Variants in PCDH15 observed in about 807,000 individuals in gnomAD.
The protein encoded by PCDH15 is protocadherin-15.
In PCDH15, 129 loss-of-function variants were observed where a neutral mutation model predicts 178.5. The observed-to-expected ratio is 0.72, with a 90% CI of 0.63 to 0.84. The LOEUF (loss-of-function observed/expected upper bound fraction) is 0.84. Ranked by LOEUF, PCDH15 falls within the 40% of genes least tolerant of loss-of-function variation. The pLI is 0.00. For missense variants in PCDH15, 2,230 were observed against 2,099.9 expected (o/e 1.06, Z -1.21); for synonymous variants, 800 against 732.0 (o/e 1.09, Z -1.50).
In PCDH15 at chr10:54,988,123, C is replaced by T. The variant is rs1224978701; in HGVS notation, c.-79-90623G>A. Among the ~76,000 whole-genome samples, 3 of 152,122 alleles carry T rather than the reference C, an allele frequency of 2.0e-5. No individual in the cohort carries two copies. In the East Asian group the frequency reaches 5.8e-4, roughly 29 times the overall value. ...AGCACCATTTACTGAATAGGAAATC[C>T]TTTCACCATTGCTTGCTTTTGTCAG... On this transcript the variant is annotated intron_variant, in intron 2 of 5. Coordinates refer to the PCDH15 transcript ENST00000458638.
chr10:54,964,791 A>T (rs149753480), intron 2 of PCDH15, among the ~76,000 whole-genome samples: 1 of 152,292 alleles, frequency 6.6e-6, no homozygotes, highest in African/African-American at 2.4e-5. Flanking sequence ...AAAGGCAATA[A>T]AGCTTTTAAT....
intron 3 of PCDH15, among the ~76,000 whole-genome samples, chr10:54,525,148 T>C (rs565047438): frequency 5.9e-5 from 9 of 152,252 alleles, no homozygotes; most frequent in Non-Finnish European, 1.2e-4. Flanking sequence ...AACAATTAGC[T>C]ATAATTTAAA....
chr10:54,949,641 C>T (rs908343679), intron 2 of PCDH15, among the ~76,000 whole-genome samples: 1 of 151,952 alleles, frequency 6.6e-6, no homozygotes, highest in African/African-American at 2.4e-5. Context: ...CTTTAAGTTG[C>T]AATTCCAAAC....
chr10:55,424,535 A>G (rs1416798087), intron 2 of PCDH15, among the ~76,000 whole-genome samples: 4 of 152,134 alleles, frequency 2.6e-5, no homozygotes, highest in African/African-American at 9.7e-5. Context: ...AATTGTAGGC[A>G]TCTACCCTGC....
intron 2 of PCDH15, among the ~76,000 whole-genome samples, chr10:54,565,717 C>T (rs1318733784): frequency 9.9e-5 from 15 of 152,106 alleles, no homozygotes; most frequent in Admixed American, 6.6e-4. Context: ...CTTAATTTCT[C>T]GTGTTTTCTT....
chr10:55,123,801 C>G (rs1837831923), intron 2 of PCDH15, among the ~76,000 whole-genome samples: 1 of 152,106 alleles, frequency 6.6e-6, no homozygotes, highest in Non-Finnish European at 1.5e-5. Flanking sequence ...CCCATGGGCT[C>G]CTGCTCTCCA....
chr10:54,012,978 G>C (rs1253361029), intron 20 of PCDH15, among the ~76,000 whole-genome samples: 1 of 151,998 alleles, frequency 6.6e-6, no homozygotes, highest in Non-Finnish European at 1.5e-5. Flanking sequence ...GCTGGATAAA[G>C]AAGCAAGGAC....
chr10:55,351,501 C>G (rs554069149), intron 2 of PCDH15, among the ~76,000 whole-genome samples: 1 of 152,110 alleles, frequency 6.6e-6, no homozygotes, highest in Non-Finnish European at 1.5e-5. Flanking sequence ...AATAAATAAG[C>G]CTTCTCTAGG....
chr10:54,071,204 AAAT>A (rs1241419794), intron 17 of PCDH15, among the ~76,000 whole-genome samples: 8 of 152,182 alleles, frequency 5.3e-5, no homozygotes, highest in Admixed American at 5.2e-4. Flanking sequence ...AGCAATGGAT[AAAT>A]AATACAATTT....
intron 1 of PCDH15, among the ~76,000 whole-genome samples, chr10:54,786,323 C>T (rs1950873034): frequency 6.6e-6 from 1 of 151,982 alleles, no homozygotes; most frequent in African/African-American, 2.4e-5. Context: ...ACACATGATT[C>T]TACTACTTCA....
At chr10:54,222,306 G>A (rs551287880) in intron 9 of PCDH15, among the ~76,000 whole-genome samples, 1 of 152,118 alleles carries the variant, frequency 6.6e-6, no homozygotes, top group African/African-American at 2.4e-5. Flanking sequence ...GATATAGAAT[G>A]GTTTTATGAT....
At chr10:54,684,674 G>A (rs1460588631) in intron 1 of PCDH15, among the ~76,000 whole-genome samples, 4 of 151,886 alleles carry the variant, frequency 2.6e-5, no homozygotes, top group African/African-American at 9.7e-5. Flanking sequence ...ATTTAAGAAG[G>A]GAGGAAATAA....
At chr10:54,539,616 T>C (rs2084976916) in intron 2 of PCDH15, among the ~76,000 whole-genome samples, 2 of 152,280 alleles carry the variant, frequency 1.3e-5, no homozygotes, top group African/African-American at 2.4e-5. Context: ...AATTTGACAC[T>C]TGACAAATTG....
intron 8 of PCDH15, among the ~76,000 whole-genome samples, chr10:54,313,778 A>G (rs533211282): frequency 4.6e-5 from 7 of 152,228 alleles, no homozygotes; most frequent in South Asian, 2.1e-4. Context: ...TATTACCCCA[A>G]ATTGAAAGTA....
intron 2 of PCDH15, among the ~76,000 whole-genome samples, chr10:55,008,766 G>A (rs1292715721): frequency 2.0e-5 from 3 of 151,886 alleles, no homozygotes; most frequent in Non-Finnish European, 4.4e-5. Flanking sequence ...TCACTGTGTT[G>A]GTGATTAGTC....
chr10:55,305,039 C>T lies in PCDH15; in HGVS notation c.-156+14560G>A, dbSNP rs137923719. Among the ~76,000 whole-genome samples, 53 of 152,214 alleles carry T rather than the reference C, an allele frequency of 3.5e-4. No individual in the cohort carries two copies. In the East Asian group the frequency reaches 8.7e-3, roughly 25 times the overall value. On this transcript the variant is annotated intron_variant, in intron 1 of 5. Coordinates refer to the PCDH15 transcript ENST00000458638. ...TCATAGTATTCCAGAAGAAGTAACG[C>T]TATCTGTGAAAAAAGAAGCCACTGC...
intron 3 of PCDH15, among the ~76,000 whole-genome samples, chr10:54,468,357 G>T (rs570282205): frequency 6.6e-6 from 1 of 151,314 alleles, no homozygotes; most frequent in Non-Finnish European, 1.5e-5. Context: ...GGTATGTTAT[G>T]TTTCAATTTT....
chr10:53,839,154 G>T (rs1176700502), intron 29 of PCDH15, among the ~76,000 whole-genome samples: 2 of 128,118 alleles, frequency 1.6e-5, no homozygotes, highest in Non-Finnish European at 3.1e-5. Flanking sequence ...CAGTGAGCGA[G>T]ATTGCGCCAC....
intron 26 of PCDH15, among the ~76,000 whole-genome samples, chr10:53,869,599 A>G (rs371586352): frequency 6.6e-6 from 1 of 152,180 alleles, no homozygotes; most frequent in South Asian, 2.1e-4. Flanking sequence ...TGTAAAGCTC[A>G]TTAAAATTTT....
Sources: allele counts gnomAD v4.1 joint callset (sites outside exome capture counted in the v4.1 genomes callset), GRCh38; gene constraint gnomAD v4.1.1; transcripts MANE v1.5; gene names NCBI Gene and HGNC (gene_info 2026-07-23, HGNC 2026-07-21).